Variants in TRMT11 observed in about 807,000 individuals in gnomAD.
TRMT11 encodes tRNA methyltransferase 11.
A neutral mutation model predicts 62.8 loss-of-function variants in TRMT11; 53 were observed. The observed-to-expected ratio is 0.84, with a 90% CI of 0.68 to 1.06. The LOEUF (loss-of-function observed/expected upper bound fraction) is 1.06, where lower values mean the gene tolerates loss of function less well. Ranked by LOEUF, TRMT11 falls within the 50% of genes least tolerant of loss-of-function variation. TRMT11 has a pLI of 0.00. For missense variants in TRMT11, 556 were observed against 553.4 expected (o/e 1.00, Z -0.05); for synonymous variants, 188 against 190.3 (o/e 0.99, Z 0.10).
At chr6:126,096,191 C>T (rs561619884) in intron 17 of TRMT11, among the ~76,000 whole-genome samples, 138 of 152,210 alleles carry the variant, frequency 9.1e-4, no homozygotes, top group African/African-American at 3.2e-3. Context: ...TATGTATAGC[C>T]TTTCATTAGG....
intron 21 of TRMT11, among the ~76,000 whole-genome samples, chr6:126,151,822 CTT>C (rs1554242202): frequency 8.9e-6 from 1 of 112,412 alleles, no homozygotes; most frequent in East Asian, 2.5e-4. Flanking sequence ...TTCTTTCTTT[CTT>C]TCTTTCTTTC....
chr6:126,068,766 CA>C (rs1776760974), intron 17 of TRMT11, among the ~76,000 whole-genome samples: 1 of 152,178 alleles, frequency 6.6e-6, no homozygotes, highest in Admixed American at 6.5e-5. Flanking sequence ...ATTTTAAAAC[CA>C]AGTCCCACAA....
chr6:126,030,192 G>A (rs184130662), intron 12 of TRMT11, among the ~76,000 whole-genome samples: 52 of 152,190 alleles, frequency 3.4e-4, no homozygotes, highest in African/African-American at 1.2e-3. Context: ...GAAATGGCCT[G>A]GTGCTGTTTA....
chr6:126,009,890 A>G (rs923573334), intron 8 of TRMT11, among the ~76,000 whole-genome samples: 1 of 152,052 alleles, frequency 6.6e-6, no homozygotes, highest in Non-Finnish European at 1.5e-5. Flanking sequence ...CCTTCAGTCT[A>G]CTGGGGTAGA....
chr6:126,265,242 ATC>A, the TRMT11 span, among the ~76,000 whole-genome samples: 1 of 152,126 alleles, frequency 6.6e-6, no homozygotes, highest in Non-Finnish European at 1.5e-5. Context: ...TCAACATGTA[ATC>A]TTGTGAAGAC....
chr6:125,995,534 C>T (rs1041134914), intron 2 of TRMT11, among the ~76,000 whole-genome samples: 10 of 152,050 alleles, frequency 6.6e-5, no homozygotes, highest in African/African-American at 2.4e-4. Context: ...TCAAAGGGCC[C>T]CTCCTTCACC....
At chr6:126,018,418 G>T (rs1204571891) in intron 11 of TRMT11, among the ~76,000 whole-genome samples, 2 of 152,068 alleles carry the variant, frequency 1.3e-5, no homozygotes, top group East Asian at 3.8e-4. Context: ...GAAAATGAGT[G>T]ACAGTCAAAA....
intron 1 of TRMT11, among the ~76,000 whole-genome samples, chr6:126,198,029 T>A: frequency 6.6e-6 from 1 of 152,186 alleles, no homozygotes; most frequent in East Asian, 1.9e-4. Flanking sequence ...GTGGAAAGAA[T>A]GAATGTAGTC....
chr6:126,035,360 T>G (rs1774998155), intron 12 of TRMT11, among the ~76,000 whole-genome samples: 1 of 152,142 alleles, frequency 6.6e-6, no homozygotes, highest in African/African-American at 2.4e-5. Context: ...GCCAGATCTC[T>G]GGCTGTGTAA....
At chr6:126,062,693 T>C (rs1185135283) in intron 17 of TRMT11, among the ~76,000 whole-genome samples, 4 of 145,032 alleles carry the variant, frequency 2.8e-5, no homozygotes, top group East Asian at 1.9e-4. Context: ...TCAAAAGATA[T>C]TACTTGACAG....
At chr6:126,000,867 C>T (rs1234708977) in intron 7 of TRMT11, among the ~76,000 whole-genome samples, 4 of 152,116 alleles carry the variant, frequency 2.6e-5, no homozygotes, top group Non-Finnish European at 5.9e-5. Context: ...AAGTAACTCA[C>T]CCCAAATTTT....
chr6:126,192,333 T>A (rs1035756957), intron 1 of TRMT11, among the ~76,000 whole-genome samples: 2 of 151,978 alleles, frequency 1.3e-5, no homozygotes, highest in South Asian at 2.1e-4. Flanking sequence ...ATTCTAAGAG[T>A]TTTTTGGTGA....
intron 1 of TRMT11, among the ~76,000 whole-genome samples, chr6:126,185,035 T>A (rs1193420675): frequency 1.3e-5 from 2 of 152,140 alleles, no homozygotes; most frequent in Non-Finnish European, 2.9e-5. Context: ...TTCTTCCTGG[T>A]CCACTCAAGT....
chr6:126,070,054 C>A (rs1028264798), intron 17 of TRMT11, among the ~76,000 whole-genome samples: 3 of 152,136 alleles, frequency 2.0e-5, no homozygotes, highest in East Asian at 1.9e-4. Context: ...TAAAACCAAA[C>A]ATACAAATGA....
At chr6:126,135,046 A>C (rs1277281776) in intron 21 of TRMT11, among the ~76,000 whole-genome samples, 1 of 151,758 alleles carries the variant, frequency 6.6e-6, no homozygotes, top group Admixed American at 6.6e-5. Context: ...TAATAAAAAA[A>C]ATTTAAATAA....
At chr6:126,090,958 C>T (rs1777268252) in intron 17 of TRMT11, among the ~76,000 whole-genome samples, 1 of 152,170 alleles carries the variant, frequency 6.6e-6, no homozygotes, top group Non-Finnish European at 1.5e-5. Context: ...CACCTGTAAT[C>T]CCAGCACTTT....
the TRMT11 span, among the ~76,000 whole-genome samples, chr6:126,251,314 C>G: frequency 6.6e-6 from 1 of 151,950 alleles, no homozygotes; most frequent in Non-Finnish European, 1.5e-5. Flanking sequence ...CAGGTGTGAG[C>G]CACCGCACCC....
chr6:126,225,685 A>ATTTTTT, the TRMT11 span, among the ~76,000 whole-genome samples: 58 of 95,288 alleles, frequency 6.1e-4, no homozygotes, highest in East Asian at 1.1e-3. Flanking sequence ...TATGTTTACT[A>ATTTTTT]TTTTTTTTTT....
intron 1 of TRMT11, among the ~76,000 whole-genome samples, chr6:125,992,699 GA>G (rs1790816882): frequency 6.6e-6 from 1 of 152,214 alleles, no homozygotes; most frequent in Non-Finnish European, 1.5e-5. Flanking sequence ...TGGAAGAGCT[GA>G]AAATCAGATT....
Sources: allele counts gnomAD v4.1 joint callset (sites outside exome capture counted in the v4.1 genomes callset), GRCh38; gene constraint gnomAD v4.1.1; transcripts MANE v1.5; gene names NCBI Gene and HGNC (gene_info 2026-07-23, HGNC 2026-07-21).